Variants in COX7B2 observed in about 807,000 individuals in gnomAD.
COX7B2 encodes cytochrome c oxidase subunit 7B2, also known as cytochrome c oxidase subunit 7B2, mitochondrial.
For synonymous variants in COX7B2, 37 were observed against 32.1 expected (o/e 1.15, Z -0.51); for missense variants, 109 against 95.9 (o/e 1.14, Z -0.57).
intron 2 of COX7B2, among the ~76,000 whole-genome samples, chr4:46,826,367 T>G (rs551151925): frequency 6.6e-6 from 1 of 152,044 alleles, no homozygotes; most frequent in East Asian, 1.9e-4. Context: ...GTTCAGAAAA[T>G]AACACATTTT....
intron 1 of COX7B2, among the ~76,000 whole-genome samples, chr4:46,858,742 G>T (rs938994630): frequency 2.6e-5 from 4 of 152,156 alleles, no homozygotes; most frequent in Non-Finnish European, 1.5e-5. Flanking sequence ...TGAGTCATAG[G>T]AGTTGTCAAG....
At chr4:46,831,321 C>A (rs528003112) in intron 2 of COX7B2, among the ~76,000 whole-genome samples, 1 of 152,182 alleles carries the variant, frequency 6.6e-6, no homozygotes, top group African/African-American at 2.4e-5. Flanking sequence ...GAGTGCCCCC[C>A]CAACCTCCCA....
chr4:46,826,044 T>A (rs1318621999), intron 2 of COX7B2, among the ~76,000 whole-genome samples: 1 of 152,122 alleles, frequency 6.6e-6, no homozygotes, highest in Admixed American at 6.6e-5. Context: ...CTAATTAAAC[T>A]TAAGAGCTTC....
intron 1 of COX7B2, among the ~76,000 whole-genome samples, chr4:46,893,070 T>C (rs1240344826): frequency 6.6e-6 from 1 of 152,194 alleles, no homozygotes; most frequent in Non-Finnish European, 1.5e-5. Flanking sequence ...ACCTCTTTCC[T>C]TTATAAATTA....
intron 2 of COX7B2, among the ~76,000 whole-genome samples, chr4:46,791,960 T>C (rs1341742306): frequency 2.0e-5 from 3 of 152,192 alleles, no homozygotes; most frequent in African/African-American, 7.2e-5. Flanking sequence ...TAAAATGAGA[T>C]AACATAGGTA....
intron 2 of COX7B2, among the ~76,000 whole-genome samples, chr4:46,820,821 C>CAAA (rs754039038): frequency 8.0e-5 from 11 of 137,796 alleles, no homozygotes; most frequent in African/African-American, 3.0e-4. Context: ...AACTCCATCT[C>CAAA]AAAAAAAAAA....
chr4:46,841,374 T>TGTGTGTGTGTGTGTGTG (rs1560414291), intron 2 of COX7B2, among the ~76,000 whole-genome samples: 1 of 150,682 alleles, frequency 6.6e-6, no homozygotes, highest in East Asian at 1.9e-4. Flanking sequence ...TGTGTGTGTG[T>TGTGTGTGTGTGTGTGTG]TTAAGATGGG....
chr4:46,760,317 T>A (rs955912802), intron 2 of COX7B2, among the ~76,000 whole-genome samples: 1 of 152,024 alleles, frequency 6.6e-6, no homozygotes, highest in Non-Finnish European at 1.5e-5. Flanking sequence ...CAAATGCCCA[T>A]CAATGATAGA....
At chr4:46,753,814 T>A (rs187006642) in intron 2 of COX7B2, among the ~76,000 whole-genome samples, 1,642 of 152,172 alleles carry the variant, frequency 0.011, 19 homozygotes, top group Non-Finnish European at 0.014. Flanking sequence ...AATCTACCCA[T>A]CTGACAAAGG....
intron 2 of COX7B2, among the ~76,000 whole-genome samples, chr4:46,754,885 C>T (rs918238078): frequency 6.6e-6 from 1 of 151,134 alleles, no homozygotes; most frequent in Non-Finnish European, 1.5e-5. Flanking sequence ...TAATACCAAT[C>T]CTACTGAAGC....
chr4:46,809,482 T>C (rs950019401), intron 2 of COX7B2, among the ~76,000 whole-genome samples: 10 of 151,818 alleles, frequency 6.6e-5, no homozygotes, highest in Non-Finnish European at 1.5e-4. Flanking sequence ...CCATTGTTGT[T>C]TGTCTCAAGA....
intron 2 of COX7B2, among the ~76,000 whole-genome samples, chr4:46,750,468 A>G (rs1210672877): frequency 6.6e-6 from 1 of 152,166 alleles, no homozygotes; most frequent in East Asian, 1.9e-4. Flanking sequence ...AATGACATCT[A>G]GTATCAAGAC....
At chr4:46,776,410 GTGTGTGTGTGTGTC>G (rs1331620205) in intron 2 of COX7B2, among the ~76,000 whole-genome samples, 1 of 151,754 alleles carries the variant, frequency 6.6e-6, no homozygotes, top group Non-Finnish European at 1.5e-5. Flanking sequence ...GTGTGTGTGT[GTGTGTGTGTGTGTC>G]TGTGTGTCTG....
chr4:46,800,028 C>T (rs1718571248), intron 2 of COX7B2, among the ~76,000 whole-genome samples: 1 of 151,778 alleles, frequency 6.6e-6, no homozygotes, highest in African/African-American at 2.4e-5. Context: ...TTTCAGAACT[C>T]GTTATTAGTC....
At chr4:46,804,533 T>C (rs1187244442) in intron 2 of COX7B2, among the ~76,000 whole-genome samples, 4 of 151,634 alleles carry the variant, frequency 2.6e-5, no homozygotes, top group Non-Finnish European at 5.9e-5. Context: ...AGATACAGAG[T>C]GTGGACACAA....
chr4:46,784,801 T>C (rs918881770), intron 2 of COX7B2, among the ~76,000 whole-genome samples: 2 of 152,230 alleles, frequency 1.3e-5, no homozygotes, highest in African/African-American at 4.8e-5. Context: ...ATTGCTTAGC[T>C]TTATATTTAA....
intron 2 of COX7B2, among the ~76,000 whole-genome samples, chr4:46,795,616 T>A (rs1718285510): frequency 9.1e-6 from 1 of 110,156 alleles, no homozygotes. Flanking sequence ...TGTAGTATAG[T>A]TTGAAGTCAG....
intron 2 of COX7B2, among the ~76,000 whole-genome samples, chr4:46,785,649 G>T (rs1434502215): frequency 6.6e-6 from 1 of 152,124 alleles, no homozygotes; most frequent in Non-Finnish European, 1.5e-5. Context: ...TCACTTCATT[G>T]CCTTATTCTA....
At chr4:46,899,075 T>A (rs573731255) in intron 1 of COX7B2, among the ~76,000 whole-genome samples, 1 of 152,338 alleles carries the variant, frequency 6.6e-6, no homozygotes, top group South Asian at 2.1e-4. Context: ...ATTGTTGATA[T>A]GCTATCTTCT....
Sources: allele counts gnomAD v4.1 joint callset (sites outside exome capture counted in the v4.1 genomes callset), GRCh38; gene constraint gnomAD v4.1.1; transcripts MANE v1.5; gene names NCBI Gene and HGNC (gene_info 2026-07-23, HGNC 2026-07-21).